HSD17B3: variants seen among roughly 807,000 people sequenced by gnomAD.
HSD17B3 encodes 17-beta-hydroxysteroid dehydrogenase type 3.
In HSD17B3, 29 loss-of-function variants were observed where a neutral mutation model predicts 41.1. The ratio of observed to expected loss-of-function variants is 0.71; its 90% CI spans 0.53 to 0.96. The LOEUF (loss-of-function observed/expected upper bound fraction) is 0.96, where lower values mean the gene tolerates loss of function less well. Ranked by LOEUF, HSD17B3 falls within the 40% of genes least tolerant of loss-of-function variation. The pLI is 0.00. For missense variants in HSD17B3, 323 were observed against 374.6 expected, an observed-to-expected ratio of 0.86 and a Z score of 1.14; for synonymous variants, 126 against 145.6, an observed-to-expected ratio of 0.87 and a Z score of 0.97.
Position 96,292,390 on chromosome 9 carries a change from G to T in HSD17B3, c.201+6026C>A, listed in dbSNP as rs555489101. 7.9e-5 allele frequency among the ~76,000 whole-genome samples: 12 copies of T among 152,206 alleles called. No individual in the cohort carries two copies. In the South Asian group the frequency reaches 2.5e-3, roughly 32 times the overall value. On this transcript the variant is annotated intron_variant, in intron 2 of 10. Coordinates refer to ENST00000375263, the MANE Select transcript of HSD17B3 (RefSeq NM_000197.2). ...ATTGATTTATTTATTTTTTGAGATG[G>T]AGTCTCACTCTTGTCACCTAAGCTG...
Position 96,235,367 on chromosome 9 carries a change from G to T in HSD17B3, c.*93C>A. The T allele has an allele frequency of 1.2e-6, 1 of 856,346 alleles. No homozygotes were observed. Among genetic ancestry groups the T allele is most frequent in the South Asian group, 1.4e-5 (1 of 70,166 alleles). The allele number at this position is 856,346 out of a possible 1,614,324, so 53.0% of individuals were successfully genotyped here. Reference sequence around the variant, plus strand: ...ACCCCAGCCCCCTCCATCTTCAGCGGACTAGGTTGAAGTGCTGGTCTGCTC... The same window carrying T: ...ACCCCAGCCCCCTCCATCTTCAGCGTACTAGGTTGAAGTGCTGGTCTGCTC... On this transcript the variant is annotated 3_prime_UTR_variant, in exon 11 of 11. Coordinates refer to ENST00000375263, the MANE Select transcript of HSD17B3 (RefSeq NM_000197.2).
At chr9:96,254,041 T>C (rs1016978440) in intron 3 of HSD17B3, among the ~76,000 whole-genome samples, 1 of 152,128 alleles carries the variant, frequency 6.6e-6, no homozygotes, top group Non-Finnish European at 1.5e-5. Context: ...TAAAGTCTCA[T>C]CCCTTTGAGT....
chr9:96,270,956 G>GC (rs1246728073), intron 2 of HSD17B3, among the ~76,000 whole-genome samples: 1 of 139,686 alleles, frequency 7.2e-6, no homozygotes, highest in East Asian at 2.1e-4. Context: ...ATCCTCTCGG[G>GC]GGGGGGGGTT....
intron 2 of HSD17B3, among the ~76,000 whole-genome samples, chr9:96,282,413 T>C (rs931579679): frequency 3.5e-4 from 53 of 152,322 alleles, no homozygotes; most frequent in Non-Finnish European, 6.5e-4. Flanking sequence ...ATTGGTAAAA[T>C]AAAGACATTT....
At position 96,252,977 on chromosome 9, in the gene HSD17B3, C is replaced by T. The variant is rs2066475; in HGVS notation, c.278-67G>A. The T allele has an allele frequency of 0.24, 227,787 of 941,622 alleles. 29,845 individuals carry two copies. Among genetic ancestry groups the T allele is most frequent in the Middle Eastern group, 0.34 (1,639 of 4,760 alleles). 58.3% of individuals were successfully genotyped at this position (941,622 alleles called of 1,614,324 possible). A position where few individuals can be genotyped will look rare whatever the true frequency, so the allele number is the denominator to read the frequency against. ...AATGCCCCCTCGCCCATGAAGTTTC[C>T]CCCAGTGCTCCTGTATTACCTGAGC... On this transcript the variant is annotated intron_variant, in intron 3 of 10. Transcript: ENST00000375263.
intron 1 of HSD17B3, 118 bp from the exon 2 acceptor site, chr9:96,298,580 C>A: frequency 1.2e-6 from 1 of 842,892 alleles, no homozygotes; most frequent in Non-Finnish European, 2.1e-6. Flanking sequence ...AAAGGTTCAT[C>A]CCTTTGCTCT....
At chr9:96,248,830 T>C (rs1836776048) in intron 6 of HSD17B3, among the ~76,000 whole-genome samples, 2 of 152,160 alleles carry the variant, frequency 1.3e-5, no homozygotes, top group Non-Finnish European at 2.9e-5. Context: ...ACTCATGCTA[T>C]ACATCTTTGT....
In HSD17B3 at chr9:96,288,191, C is replaced by T. The variant is rs114609961; in HGVS notation, c.201+10225G>A. Among the ~76,000 whole-genome samples, 927 of 152,246 alleles carry T rather than the reference C, an allele frequency of 6.1e-3. 16 individuals are homozygous for T. Among genetic ancestry groups the T allele is most frequent in the African/African-American group, 0.02 (851 of 41,536 alleles). On this transcript the variant is annotated intron_variant, in intron 2 of 10. Coordinates refer to ENST00000375263, the MANE Select transcript of HSD17B3 (RefSeq NM_000197.2). ...TCGAGTGATGGAAATGTTCCAAAAC[C>T]GGATGGTGGTGATGATAAACAACTC... is the stretch of plus-strand genomic sequence containing the variant.
intron 2 of HSD17B3, among the ~76,000 whole-genome samples, chr9:96,282,670 G>T (rs1179069461): frequency 6.6e-6 from 1 of 152,102 alleles, no homozygotes; most frequent in African/African-American, 2.4e-5. Context: ...TTCCTAACCA[G>T]GTTTTTCACC....
At chr9:96,273,447 C>A (rs1228827030) in intron 2 of HSD17B3, among the ~76,000 whole-genome samples, 1 of 152,168 alleles carries the variant, frequency 6.6e-6, no homozygotes, top group Non-Finnish European at 1.5e-5. Flanking sequence ...ATCCCCTTGG[C>A]TGTGACTGTC....
At chr9:96,240,452 A>T (rs2130703856) in intron 10 of HSD17B3, among the ~76,000 whole-genome samples, 1 of 152,272 alleles carries the variant, frequency 6.6e-6, no homozygotes, top group South Asian at 2.1e-4. Flanking sequence ...TCAAGAGAAG[A>T]CAGCAGCCCC....
chr9:96,264,525 G>A (rs1018824750), intron 2 of HSD17B3, among the ~76,000 whole-genome samples: 1 of 152,072 alleles, frequency 6.6e-6, no homozygotes, highest in Admixed American at 6.6e-5. Flanking sequence ...TTGCTGGGTT[G>A]GTTGGTTGGT....
chr9:96,252,266 C>T (rs1311327830), intron 4 of HSD17B3, among the ~76,000 whole-genome samples: 4 of 152,094 alleles, frequency 2.6e-5, no homozygotes, highest in African/African-American at 9.6e-5. Context: ...TTGGTCCGGC[C>T]GGGTGCAGTG....
intron 2 of HSD17B3, among the ~76,000 whole-genome samples, chr9:96,282,658 G>C (rs912599815): frequency 5.1e-4 from 77 of 152,318 alleles, no homozygotes; most frequent in African/African-American, 1.8e-3. Context: ...GATTAAAATT[G>C]CTTCCTAACC....
chr9:96,262,724 T>A (rs394243), intron 2 of HSD17B3, among the ~76,000 whole-genome samples: 44,091 of 152,088 alleles, frequency 0.29, 6,561 homozygotes, highest in Middle Eastern at 0.4. Context: ...GTGCGATTAC[T>A]TTTTCACCAA....
intron 2 of HSD17B3, among the ~76,000 whole-genome samples, chr9:96,295,576 C>A (rs564946617): frequency 8.5e-5 from 13 of 152,190 alleles, no homozygotes; most frequent in African/African-American, 2.2e-4. Flanking sequence ...CTCAGGTGAT[C>A]CACCCTCCTC....
At chr9:96,292,231 A>G (rs1277998489) in intron 2 of HSD17B3, among the ~76,000 whole-genome samples, 1 of 152,246 alleles carries the variant, frequency 6.6e-6, no homozygotes, top group East Asian at 1.9e-4. Context: ...AAAATTGAAC[A>G]GAATCTCAAG....
At chr9:96,279,224 G>C (rs1012735484) in intron 2 of HSD17B3, among the ~76,000 whole-genome samples, 1 of 152,192 alleles carries the variant, frequency 6.6e-6, no homozygotes, top group Non-Finnish European at 1.5e-5. Context: ...AGGAGGTCCT[G>C]CGAACATATA....
chr9:96,238,400 G>A (rs1210538938), intron 10 of HSD17B3, among the ~76,000 whole-genome samples: 3 of 151,738 alleles, frequency 2.0e-5, no homozygotes, highest in East Asian at 3.9e-4. Context: ...GGTGGCTCAC[G>A]CCTGTAATCC....
Sources: allele counts gnomAD v4.1 joint callset (sites outside exome capture counted in the v4.1 genomes callset), GRCh38; gene constraint gnomAD v4.1.1; transcripts MANE v1.5; gene names NCBI Gene and HGNC (gene_info 2026-07-23, HGNC 2026-07-21).